SYNE1: variants seen among roughly 807,000 people sequenced by gnomAD.
SYNE1 encodes the protein nesprin-1.
In SYNE1, 616 loss-of-function variants were observed where a neutral mutation model predicts 1,111.0. That is an observed-to-expected ratio of 0.55 (90% CI 0.52 to 0.59). The LOEUF (loss-of-function observed/expected upper bound fraction) is 0.59, where lower values mean the gene tolerates loss of function less well. Ranked by LOEUF, SYNE1 falls within the 20% of genes least tolerant of loss-of-function variation. SYNE1 has a pLI of 0.00. For synonymous variants in SYNE1, 3,855 were observed against 3,825.8 expected, an observed-to-expected ratio of 1.01 and a Z score of -0.28; for missense variants, 10,006 against 10,417.0, an observed-to-expected ratio of 0.96 and a Z score of 1.72.
chr6:152,353,255 G>A lies in SYNE1; in HGVS notation c.11253+8C>T, dbSNP rs748079325. On this transcript the variant is annotated splice_region_variant and intron_variant, in intron 69 of 145. Coordinates refer to ENST00000367255, the MANE Select transcript of SYNE1 (RefSeq NM_182961.4). ...GGTTGGATACAAATCTGAAGTATGC[G>A]TGCCTACCTCCAACGTCTTCAATTT... 21 of 1,613,984 alleles carry A rather than the reference G, an allele frequency of 1.3e-5. No homozygotes were observed. The highest frequency in any genetic ancestry group is 5.0e-5 in the Admixed American group (3 of 59,992).
intron 34 of SYNE1, among the ~76,000 whole-genome samples, chr6:152,432,054 T>G (rs1003733434): frequency 6.6e-6 from 1 of 152,160 alleles, no homozygotes; most frequent in Non-Finnish European, 1.5e-5. Flanking sequence ...CAAATTCATA[T>G]ATACGAATCA....
At chr6:152,380,266 T>C (rs187115671) in intron 56 of SYNE1, among the ~76,000 whole-genome samples, 1 of 152,344 alleles carries the variant, frequency 6.6e-6, no homozygotes, top group African/African-American at 2.4e-5. Context: ...AGAAGTTTAC[T>C]AAATTTCCTT....
intron 6 of SYNE1, among the ~76,000 whole-genome samples, chr6:152,516,350 A>AC (rs903755221): frequency 3.3e-5 from 5 of 152,010 alleles, no homozygotes; most frequent in African/African-American, 1.2e-4. Flanking sequence ...TTTAAACTTT[A>AC]TTTTTTTTAC....
Position 152,268,144 on chromosome 6 carries a change from C to T in SYNE1, c.18727G>A (p.Glu6243Lys), listed in dbSNP as rs200360218. 54 of 1,613,964 alleles carry T rather than the reference C, an allele frequency of 3.3e-5. No homozygotes were observed. The highest frequency in any genetic ancestry group is 4.2e-5 in the Non-Finnish European group (49 of 1,179,984). ...QQKELEQELA[E>K]QKSLLRSVAS... ...ACTGAGCGAAGGAGACTCTTCTGCT[C>T]GGCTAATTCCTGTTCTAACTCCTGC... The change falls in exon 100 of 146, where the codon GAG (glutamate) becomes AAG (lysine). Residue 6243 changes from glutamate (E) to lysine (K), a missense_variant. Glu to Lys is a moderately conservative substitution (Grantham distance 56). Around this residue, in one of 7 missense-constraint regions of SYNE1, gnomAD observed 2,182 missense variants for 2,287.8 expected, o/e 0.95. Coordinates refer to ENST00000367255, the MANE Select transcript of SYNE1 (RefSeq NM_182961.4).
chr6:152,395,200 T>C (rs900466268), intron 51 of SYNE1, among the ~76,000 whole-genome samples: 2 of 152,086 alleles, frequency 1.3e-5, no homozygotes, highest in African/African-American at 4.8e-5. Context: ...GAGAGGAAAG[T>C]ACAGTATTAT....
chr6:152,437,802 A>G (rs1592690908), intron 32 of SYNE1, among the ~76,000 whole-genome samples: 1 of 152,184 alleles, frequency 6.6e-6, no homozygotes, highest in East Asian at 1.9e-4. Context: ...GTAGAAATAT[A>G]AGTATTTTTC....
At chr6:152,166,837 A>G (rs2063765412) in intron 130 of SYNE1, among the ~76,000 whole-genome samples, 1 of 152,224 alleles carries the variant, frequency 6.6e-6, no homozygotes, top group South Asian at 2.1e-4. Context: ...CCTGTAGGGC[A>G]TGGGTAGTAG....
rs73005451 is a variant in SYNE1, at chr6:152,235,853, C to G, written c.20396+254G>C. On this transcript the variant is annotated intron_variant, in intron 110 of 145. Coordinates refer to ENST00000367255, the MANE Select transcript of SYNE1 (RefSeq NM_182961.4). ...ACCTCCCAGGCTGAAGCAATCCTCC[C>G]ACTTCAGCCTCTCCAATAGCAGGGA... Among the ~76,000 whole-genome samples the G allele has an allele frequency of 0.091, 13,856 of 152,106 alleles. 830 individuals carry two copies. Among genetic ancestry groups the G allele is most frequent in the African/African-American group, 0.17 (6,941 of 41,458 alleles).
At chr6:152,465,233 T>C (rs919993449) in intron 18 of SYNE1, 25 bp downstream of exon 18, 3 of 1,612,530 alleles carry the variant, frequency 1.9e-6, no homozygotes, top group South Asian at 2.2e-5. Flanking sequence ...CAAACGTCTT[T>C]TCTTTTTGCA....
intron 3 of SYNE1, among the ~76,000 whole-genome samples, chr6:152,578,605 T>TAA (rs200070640): frequency 6.6e-6 from 1 of 151,870 alleles, no homozygotes; most frequent in African/African-American, 2.4e-5. Context: ...AAAAACAAAA[T>TAA]AAAAAAACAA....
intron 3 of SYNE1, among the ~76,000 whole-genome samples, chr6:152,597,689 A>C (rs1176366844): frequency 6.6e-6 from 1 of 152,214 alleles, no homozygotes; most frequent in Non-Finnish European, 1.5e-5. Context: ...TCCACTGAAG[A>C]AACAGCTACT....
chr6:152,125,116 C>A, intron 145 of SYNE1: 1 of 848,738 alleles, frequency 1.2e-6, no homozygotes, highest in Non-Finnish European at 1.7e-6. Context: ...GGCTGAATGA[C>A]TTGCTTCAGA....
intron 3 of SYNE1, among the ~76,000 whole-genome samples, chr6:152,591,864 A>G (rs1420504692): frequency 6.6e-6 from 1 of 152,198 alleles, no homozygotes; most frequent in Non-Finnish European, 1.5e-5. Context: ...GGCAAAAATC[A>G]TGAACAGACA....
At chr6:152,370,925 T>C (rs2097169213) in intron 59 of SYNE1, among the ~76,000 whole-genome samples, 2 of 152,158 alleles carry the variant, frequency 1.3e-5, no homozygotes, top group Non-Finnish European at 2.9e-5. Flanking sequence ...AAAGTTAGTA[T>C]CTCACAAATG....
intron 142 of SYNE1, 178 bp downstream of exon 142, chr6:152,134,926 C>G: frequency 1.4e-6 from 1 of 702,054 alleles, no homozygotes; most frequent in Non-Finnish European, 2.3e-6. Context: ...ATCTTCTATG[C>G]ACATGTTTGC....
intron 36 of SYNE1, among the ~76,000 whole-genome samples, chr6:152,429,555 T>TATGGGGA (rs982355195): frequency 2.0e-5 from 3 of 152,166 alleles, no homozygotes; most frequent in African/African-American, 7.2e-5. Flanking sequence ...ATATGAATCA[T>TATGGGGA]ATTTGTATTT....
chr6:152,145,010 C>T (rs1329411081), intron 137 of SYNE1: 1 of 184,452 alleles, frequency 5.4e-6, no homozygotes, highest in East Asian at 1.3e-4. Flanking sequence ...GATCTCACCC[C>T]TTGTCTCATA....
At chr6:152,585,185 T>A (rs2099533821) in intron 3 of SYNE1, among the ~76,000 whole-genome samples, 3 of 152,152 alleles carry the variant, frequency 2.0e-5, no homozygotes, top group Non-Finnish European at 4.4e-5. Context: ...AGAACGTGTT[T>A]GCTTCTCTTT....
chr6:152,389,736 G>T (rs2097578918), intron 53 of SYNE1, among the ~76,000 whole-genome samples: 2 of 152,336 alleles, frequency 1.3e-5, no homozygotes, highest in South Asian at 4.1e-4. Flanking sequence ...ACTCTTGGTT[G>T]TGGGAGAATG....
Sources: gnomAD v4.1 joint callset for allele counts (sites outside exome capture counted in the v4.1 genomes callset) on GRCh38, gnomAD v4.1.1 for gene constraint, gnomAD v4.1.1 regional missense constraint, MANE v1.5 for transcripts, NCBI Gene and HGNC (gene_info 2026-07-23, HGNC 2026-07-21) for gene names.